Variants in FRYL observed in about 807,000 individuals in gnomAD.
The protein encoded by FRYL is protein furry homolog-like.
A neutral mutation model predicts 351.2 loss-of-function variants in FRYL; 150 were observed. That is an observed-to-expected ratio of 0.43 (90% CI 0.37 to 0.49). FRYL has a LOEUF of 0.49. FRYL is among the 20% of genes least tolerant of loss of function. The probability of loss-of-function intolerance (pLI) is 0.00; values close to 1 mark genes in which losing one functional copy is unlikely to be tolerated. For missense variants in FRYL, 3,036 were observed against 3,619.3 expected (o/e 0.84, Z 4.13); for synonymous variants, 1,153 against 1,257.1 (o/e 0.92, Z 1.75).
chr4:48,685,651 T>C (rs1043487773), intron 2 of FRYL, among the ~76,000 whole-genome samples: 11 of 152,224 alleles, frequency 7.2e-5, no homozygotes, highest in Admixed American at 4.6e-4. Context: ...ATATCTGTAA[T>C]ACTTGGATGG....
At chr4:48,531,951 T>TA (rs1321045178) in intron 49 of FRYL, among the ~76,000 whole-genome samples, 2 of 152,020 alleles carry the variant, frequency 1.3e-5, no homozygotes, top group Non-Finnish European at 2.9e-5. Context: ...TTTGGCTATT[T>TA]TAAAAAAATT....
At chr4:48,739,600 T>C (rs949757050) in intron 1 of FRYL, among the ~76,000 whole-genome samples, 6 of 151,020 alleles carry the variant, frequency 4.0e-5, no homozygotes, top group Admixed American at 2.6e-4. Flanking sequence ...AAATCTAAAA[T>C]ACAAAACTTG....
At chr4:48,570,105 C>T (rs1175767885) in intron 27 of FRYL, among the ~76,000 whole-genome samples, 4 of 152,226 alleles carry the variant, frequency 2.6e-5, no homozygotes, top group African/African-American at 9.6e-5. Flanking sequence ...TGAGCCACTG[C>T]ACCTAGTCCA....
intron 3 of FRYL, among the ~76,000 whole-genome samples, chr4:48,670,055 A>C (rs1560828569): frequency 6.6e-6 from 1 of 152,186 alleles, no homozygotes; most frequent in Non-Finnish European, 1.5e-5. Context: ...GGGTAAATGG[A>C]GTACCCATCA....
chr4:48,553,400 C>A lies in FRYL; in HGVS notation c.4267-17G>T. On this transcript the variant is annotated splice_polypyrimidine_tract_variant and intron_variant, in intron 35 of 63. Coordinates refer to ENST00000358350, the MANE Select transcript of FRYL (RefSeq NM_015030.2). ...CTTCTTCACCTGTCACAAAAGAAAT[C>A]GTTCAGAAAAGAAAAAGCAAAGTTT... The A allele has an allele frequency of 6.3e-7, 1 of 1,586,446 alleles. No homozygotes were observed. Among genetic ancestry groups the A allele is most frequent in the South Asian group, 1.1e-5 (1 of 87,380 alleles).
At chr4:48,717,704 C>T (rs1769024494) in intron 1 of FRYL, among the ~76,000 whole-genome samples, 2 of 151,206 alleles carry the variant, frequency 1.3e-5, no homozygotes, top group South Asian at 2.1e-4. Context: ...CCATGTCTGA[C>T]TAATTTTTTT....
At chr4:48,676,840 A>G (rs1763781298) in intron 3 of FRYL, among the ~76,000 whole-genome samples, 1 of 152,248 alleles carries the variant, frequency 6.6e-6, no homozygotes, top group Non-Finnish European at 1.5e-5. Flanking sequence ...AAAGCATTCA[A>G]CTTTGTTTAC....
At chr4:48,740,197 T>G (rs140043735) in intron 1 of FRYL, among the ~76,000 whole-genome samples, 2,138 of 151,980 alleles carry the variant, frequency 0.014, 32 homozygotes, top group Non-Finnish European at 0.022. Flanking sequence ...AGTCACAGAC[T>G]GGGAGAAAAT....
At chr4:48,592,116 T>TATATATATATATATATA (rs1553942046) in intron 16 of FRYL, among the ~76,000 whole-genome samples, 1 of 84,332 alleles carries the variant, frequency 1.2e-5, no homozygotes, top group Non-Finnish European at 2.3e-5. Flanking sequence ...ATATATATAT[T>TATATATATATATATATA]TTATCTAAGT....
chr4:48,526,050 T>C (rs1025349590), intron 53 of FRYL, among the ~76,000 whole-genome samples: 4 of 152,130 alleles, frequency 2.6e-5, no homozygotes, highest in Admixed American at 1.3e-4. Flanking sequence ...CATGTATATG[T>C]ACATGAGAGT....
At chr4:48,656,542 TATA>T (rs959414085) in intron 3 of FRYL, among the ~76,000 whole-genome samples, 1 of 123,456 alleles carries the variant, frequency 8.1e-6, no homozygotes, top group Non-Finnish European at 1.6e-5. Flanking sequence ...ATGCATTATA[TATA>T]ATGTATATAG....
At chr4:48,586,806 C>A in intron 18 of FRYL, 78 bp from the exon 19 acceptor site, 1 of 944,404 alleles carries the variant, frequency 1.1e-6, no homozygotes. Context: ...AAAATAACTA[C>A]AGAAAGTGCG....
chr4:48,622,490 AT>A (rs912904648), intron 5 of FRYL, among the ~76,000 whole-genome samples: 4 of 152,276 alleles, frequency 2.6e-5, no homozygotes, highest in Admixed American at 1.3e-4. Context: ...GGAACACAGT[AT>A]TTTGGTAAGT....
At chr4:48,505,084 CTGT>C (rs1414129381) in intron 60 of FRYL, among the ~76,000 whole-genome samples, 4 of 152,078 alleles carry the variant, frequency 2.6e-5, no homozygotes, top group East Asian at 1.9e-4. Context: ...AAATATAATG[CTGT>C]TGTTTTCACT....
chr4:48,509,399 A>C (rs1722007288), intron 59 of FRYL, among the ~76,000 whole-genome samples: 1 of 152,248 alleles, frequency 6.6e-6, no homozygotes, highest in Non-Finnish European at 1.5e-5. Context: ...ACCATGAGAT[A>C]CCACCACACA....
chr4:48,606,148 C>A (rs1256570921), intron 10 of FRYL, among the ~76,000 whole-genome samples: 1 of 149,994 alleles, frequency 6.7e-6, no homozygotes, highest in Non-Finnish European at 1.5e-5. Flanking sequence ...TGGCAGGCGC[C>A]TGTAATCCCA....
intron 3 of FRYL, among the ~76,000 whole-genome samples, chr4:48,679,244 G>C (rs1352943331): frequency 6.6e-6 from 1 of 151,924 alleles, no homozygotes; most frequent in Non-Finnish European, 1.5e-5. Flanking sequence ...TACAAAATTG[G>C]TAACTCCTAA....
chr4:48,500,535 CTA>C (rs1283331363), intron 62 of FRYL, among the ~76,000 whole-genome samples: 3 of 152,050 alleles, frequency 2.0e-5, no homozygotes, highest in Non-Finnish European at 4.4e-5. Flanking sequence ...ATCATGAAAA[CTA>C]TATAACAGTA....
intron 1 of FRYL, among the ~76,000 whole-genome samples, chr4:48,721,936 A>G (rs1410542095): frequency 1.3e-5 from 2 of 152,140 alleles, no homozygotes; most frequent in South Asian, 4.1e-4. Flanking sequence ...CACTGCACCC[A>G]GCCCATATGT....
Sources: allele counts gnomAD v4.1 joint callset (sites outside exome capture counted in the v4.1 genomes callset), GRCh38; gene constraint gnomAD v4.1.1; transcripts MANE v1.5; gene names NCBI Gene and HGNC (gene_info 2026-07-23, HGNC 2026-07-21).